Variants in BAALC observed in about 807,000 individuals in gnomAD.
BAALC encodes BAALC binder of MAP3K1 and KLF4.
A neutral mutation model predicts 15.5 loss-of-function variants in BAALC; 9 were observed. The observed-to-expected ratio is 0.58, with a 90% CI of 0.35 to 1.02. The LOEUF (loss-of-function observed/expected upper bound fraction) is 1.02. Ranked by LOEUF, BAALC falls within the 50% of genes least tolerant of loss-of-function variation. The pLI is 0.02. For missense variants in BAALC, 201 were observed against 192.4 expected (o/e 1.04, Z -0.27); for synonymous variants, 80 against 74.6 (o/e 1.07, Z -0.37).
intron 1 of BAALC, among the ~76,000 whole-genome samples, chr8:103,182,939 G>A (rs1162982592): frequency 6.6e-6 from 1 of 152,096 alleles, no homozygotes. Flanking sequence ...TCACTCTCAG[G>A]CAACACCATT....
chr8:103,180,274 T>C (rs1252206516), intron 1 of BAALC, among the ~76,000 whole-genome samples: 1 of 151,994 alleles, frequency 6.6e-6, no homozygotes, highest in Non-Finnish European at 1.5e-5. Context: ...GAGAGCATGG[T>C]GGTGCCCGTG....
chr8:103,196,932 G>A (rs902623011), intron 1 of BAALC, among the ~76,000 whole-genome samples: 2 of 152,136 alleles, frequency 1.3e-5, no homozygotes, highest in Non-Finnish European at 2.9e-5. Context: ...TCATGGGTCT[G>A]GGGAGAAGAA....
intron 1 of BAALC, among the ~76,000 whole-genome samples, chr8:103,197,825 T>C (rs1416156584): frequency 1.3e-5 from 2 of 152,050 alleles, no homozygotes; most frequent in African/African-American, 2.4e-5. Flanking sequence ...AAAGGGATGG[T>C]GCTAAGCCAT....
At chr8:103,209,725 C>T (rs1170401658) in intron 1 of BAALC, among the ~76,000 whole-genome samples, 1 of 152,200 alleles carries the variant, frequency 6.6e-6, no homozygotes, top group Non-Finnish European at 1.5e-5. Flanking sequence ...GTGACTCACC[C>T]CATGAGTTTA....
At chr8:103,197,730 A>G (rs1473840871) in intron 1 of BAALC, among the ~76,000 whole-genome samples, 2 of 152,180 alleles carry the variant, frequency 1.3e-5, no homozygotes, top group Non-Finnish European at 2.9e-5. Flanking sequence ...CCAGCGTGTC[A>G]CAGGGCAAGA....
At chr8:103,227,050 T>C (rs62525467) in intron 2 of BAALC, among the ~76,000 whole-genome samples, 3,918 of 152,310 alleles carry the variant, frequency 0.026, 73 homozygotes, top group Middle Eastern at 0.048. Flanking sequence ...CACTCAACAG[T>C]GTTTTAATAA....
intron 1 of BAALC, among the ~76,000 whole-genome samples, chr8:103,195,782 T>A (rs994238448): frequency 6.6e-6 from 1 of 152,228 alleles, no homozygotes; most frequent in Non-Finnish European, 1.5e-5. Context: ...CCTGCAGTGA[T>A]GATACCTACT....
At chr8:103,148,003 T>C (rs1810912500) in intron 1 of BAALC, among the ~76,000 whole-genome samples, 1 of 152,202 alleles carries the variant, frequency 6.6e-6, no homozygotes, top group African/African-American at 2.4e-5. Flanking sequence ...AATGTTGTTC[T>C]TTTAGAATGT....
chr8:103,194,852 G>A (rs955911165), intron 1 of BAALC, among the ~76,000 whole-genome samples: 1 of 152,136 alleles, frequency 6.6e-6, no homozygotes, highest in Non-Finnish European at 1.5e-5. Flanking sequence ...GCCTACGCTA[G>A]TTTCCTTCGG....
chr8:103,176,479 G>A (rs1429089563), intron 1 of BAALC, among the ~76,000 whole-genome samples: 3 of 149,564 alleles, frequency 2.0e-5, no homozygotes, highest in South Asian at 4.2e-4. Context: ...AAAAAAAAAA[G>A]AGAGAGGAGA....
At chr8:103,222,086 G>C (rs1812689060) in intron 2 of BAALC, among the ~76,000 whole-genome samples, 1 of 152,206 alleles carries the variant, frequency 6.6e-6, no homozygotes, top group African/African-American at 2.4e-5. Context: ...GGTTGAGTTT[G>C]TCTAAAGACC....
intron 1 of BAALC, among the ~76,000 whole-genome samples, chr8:103,142,870 C>G (rs1174439340): frequency 2.0e-5 from 3 of 152,180 alleles, no homozygotes; most frequent in African/African-American, 7.2e-5. Context: ...GGGCCTGGGA[C>G]AGACACACTC....
chr8:103,143,106 G>A (rs1403130552), intron 1 of BAALC, among the ~76,000 whole-genome samples: 1 of 152,188 alleles, frequency 6.6e-6, no homozygotes, highest in African/African-American at 2.4e-5. Flanking sequence ...CTTTGGGGGT[G>A]TACTGGCATT....
chr8:103,163,741 T>C (rs951827870), intron 1 of BAALC, among the ~76,000 whole-genome samples: 6 of 152,166 alleles, frequency 3.9e-5, no homozygotes, highest in African/African-American at 1.2e-4. Flanking sequence ...GGCATCTTGG[T>C]GGCTAGGCAG....
rs1236741137 is a variant in BAALC, at chr8:103,148,629, CT to C, written c.160+7573del. Among the ~76,000 whole-genome samples, 18 of 152,192 alleles carry C rather than the reference CT, an allele frequency of 1.2e-4. 1 individual carries two copies. In the East Asian group the frequency reaches 3.5e-3, roughly 29 times the overall value. ...AAATAGTAGGTCTCATTCATTCTTT[CT>C]GCCTTTTTTTGTTTGTTTGTTTTTT... On this transcript the variant is annotated intron_variant, in intron 1 of 2. Coordinates refer to ENST00000309982, the MANE Select transcript of BAALC (RefSeq NM_024812.3).
chr8:103,158,302 G>T (rs1027085237), intron 1 of BAALC, among the ~76,000 whole-genome samples: 2 of 150,844 alleles, frequency 1.3e-5, no homozygotes, highest in African/African-American at 4.8e-5. Flanking sequence ...TGCGCAACAT[G>T]GTGACTAGCG....
intron 1 of BAALC, among the ~76,000 whole-genome samples, chr8:103,142,712 C>T (rs1228937442): frequency 6.6e-6 from 1 of 152,174 alleles, no homozygotes; most frequent in Non-Finnish European, 1.5e-5. Flanking sequence ...TGCGTATATG[C>T]ATATGTATGG....
intron 1 of BAALC, among the ~76,000 whole-genome samples, chr8:103,151,816 G>A (rs1343270291): frequency 6.6e-6 from 1 of 151,498 alleles, no homozygotes; most frequent in Non-Finnish European, 1.5e-5. Context: ...CAGTGACCCA[G>A]CATACATCCT....
intron 2 of BAALC, among the ~76,000 whole-genome samples, chr8:103,222,054 T>C (rs1812688265): frequency 1.3e-5 from 2 of 152,296 alleles, no homozygotes; most frequent in South Asian, 4.1e-4. Flanking sequence ...TTCCAGGCTA[T>C]AGGTAAATTT....
Sources: gnomAD v4.1 joint callset for allele counts (sites outside exome capture counted in the v4.1 genomes callset) on GRCh38, gnomAD v4.1.1 for gene constraint, MANE v1.5 for transcripts, NCBI Gene and HGNC (gene_info 2026-07-23, HGNC 2026-07-21) for gene names.